Variants in DGKG observed in about 807,000 individuals in gnomAD.
DGKG encodes DAG kinase gamma.
In DGKG, 78 loss-of-function variants were observed where a neutral mutation model predicts 105.3. The ratio of observed to expected loss-of-function variants is 0.74; its 90% confidence interval spans 0.62 to 0.89. The LOEUF is 0.89. Ranked by LOEUF, DGKG falls within the 40% of genes least tolerant of loss-of-function variation. The pLI is 0.00. For synonymous variants in DGKG, 346 were observed against 367.1 expected (o/e 0.94, Z 0.66); for missense variants, 958 against 1,020.1 (o/e 0.94, Z 0.83).
rs1489764137 is a variant in DGKG, at chr3:186,147,671, A to T, written c.*2419T>A. The T allele has an allele frequency of 1.0e-6, 1 of 985,316 alleles. No homozygotes were observed. Among genetic ancestry groups the T allele is most frequent in the East Asian group, 1.1e-4 (1 of 8,826 alleles). The allele number at this position is 985,316 out of a possible 1,614,324, so 61.0% of individuals were successfully genotyped here. A position where few individuals can be genotyped will look rare whatever the true frequency, so the allele number is the denominator to read the frequency against. On this transcript the variant is annotated 3_prime_UTR_variant, in exon 25 of 25. Coordinates refer to ENST00000265022, the MANE Select transcript of DGKG (RefSeq NM_001346.3). ...GGGCCATTTTCTGCACTGCCCCTTC[A>T]TGAGACCTGTGAGTCTCTGAGAATC...
intron 1 of DGKG, among the ~76,000 whole-genome samples, chr3:186,342,444 C>T (rs540104979): frequency 5.9e-5 from 9 of 152,294 alleles, no homozygotes; most frequent in Non-Finnish European, 1.2e-4. Flanking sequence ...ACTTGCAAAA[C>T]GCCCTTTTCA....
chr3:186,217,146 T>A (rs1578678655), intron 20 of DGKG, among the ~76,000 whole-genome samples: 1 of 152,116 alleles, frequency 6.6e-6, no homozygotes, highest in Non-Finnish European at 1.5e-5. Flanking sequence ...TAAGGGTGGG[T>A]CTACTGTGGG....
At chr3:186,346,656 C>T (rs1159553958) in intron 1 of DGKG, among the ~76,000 whole-genome samples, 1 of 103,020 alleles carries the variant, frequency 9.7e-6, no homozygotes, top group East Asian at 2.2e-4. Flanking sequence ...AGTAACTATG[C>T]TATACTATAC....
chr3:186,233,469 C>T (rs962670849), intron 20 of DGKG, among the ~76,000 whole-genome samples: 3 of 146,638 alleles, frequency 2.0e-5, no homozygotes, highest in Admixed American at 6.7e-5. Context: ...ACAGCAGTGC[C>T]GTTTTTGTCG....
At chr3:186,342,165 A>AT (rs751073175) in intron 1 of DGKG, among the ~76,000 whole-genome samples, 6 of 152,110 alleles carry the variant, frequency 3.9e-5, no homozygotes, top group Admixed American at 1.3e-4. Context: ...TTAAAGTATA[A>AT]TAAAAAAAAA....
intron 6 of DGKG, among the ~76,000 whole-genome samples, chr3:186,286,855 G>A (rs1723093669): frequency 6.6e-6 from 1 of 152,026 alleles, no homozygotes; most frequent in East Asian, 1.9e-4. Context: ...CCAACATGGT[G>A]AGACTCCGTA....
Position 186,356,564 on chromosome 3 carries a change from A to C in DGKG, c.-249+5382T>G, listed in dbSNP as rs772810790. ...TAATTAGACCTTAAAGAGTTTTAAT[A>C]GAAATAGGAAATAGAATGAGGAGGT... On this transcript the variant is annotated intron_variant, in intron 1 of 24. Transcript: ENST00000265022. Among the ~76,000 whole-genome samples, 53 of 152,240 alleles carry C rather than the reference A, an allele frequency of 3.5e-4. 1 individual carries two copies. The highest frequency in any genetic ancestry group is 1.3e-4 in the Admixed American group (2 of 15,272).
At chr3:186,282,221 A>G (rs1317218682) in intron 7 of DGKG, among the ~76,000 whole-genome samples, 1 of 151,970 alleles carries the variant, frequency 6.6e-6, no homozygotes, top group African/African-American at 2.4e-5. Context: ...GGAGAAGGGG[A>G]GCAGAAGCAG....
At position 186,260,522 on chromosome 3, in the gene DGKG, A is replaced by G; in HGVS notation, c.1350-9T>C. The G allele has an allele frequency of 6.2e-7, 1 of 1,603,090 alleles. No individual in the cohort carries two copies. Among genetic ancestry groups the G allele is most frequent in the African/African-American group, 1.3e-5 (1 of 74,816 alleles). ...GGAATTTCCGAAGAATTCTATGGAA[A>G]AAAAAAGAAAAGGAGGGAGAGAGAG... is the stretch of plus-strand genomic sequence containing the variant. On this transcript the variant is annotated splice_polypyrimidine_tract_variant and intron_variant, in intron 15 of 24. Transcript: ENST00000265022.
At chr3:186,347,300 T>C (rs1726388202) in intron 1 of DGKG, among the ~76,000 whole-genome samples, 1 of 151,604 alleles carries the variant, frequency 6.6e-6, no homozygotes, top group Non-Finnish European at 1.5e-5. Context: ...TACAAAAAAT[T>C]AGCCAGGCAT....
chr3:186,321,300 G>C (rs1725064598), intron 1 of DGKG, among the ~76,000 whole-genome samples: 1 of 152,192 alleles, frequency 6.6e-6, no homozygotes, highest in African/African-American at 2.4e-5. Flanking sequence ...CATTAAATCA[G>C]TTTTGTGGTT....
intron 1 of DGKG, among the ~76,000 whole-genome samples, chr3:186,354,004 A>C (rs906375573): frequency 5.9e-5 from 9 of 152,178 alleles, no homozygotes; most frequent in Admixed American, 5.9e-4. Flanking sequence ...ACATGCCGGC[A>C]TGAGAAAAGG....
Position 186,284,997 on chromosome 3 carries a change from C to T in DGKG, c.545-288G>A, listed in dbSNP as rs970733495. On this transcript the variant is annotated intron_variant, in intron 6 of 24. Coordinates refer to ENST00000265022, the MANE Select transcript of DGKG (RefSeq NM_001346.3). The surrounding 1 kb of genome is among the most constrained non-coding windows in gnomAD (Gnocchi z 4.0). ...GGAGCATGAACACATTTCAGCGTCA[C>T]TAGAACACAACCTAAAGCAAATGCC... Among the ~76,000 whole-genome samples, 1 of 152,184 alleles carries T rather than the reference C, an allele frequency of 6.6e-6. No individual in the cohort carries two copies. The highest frequency in any genetic ancestry group is 2.4e-5 in the African/African-American group (1 of 41,454).
chr3:186,332,372 A>G (rs900777611), intron 1 of DGKG, among the ~76,000 whole-genome samples: 5 of 152,196 alleles, frequency 3.3e-5, no homozygotes, highest in Non-Finnish European at 5.9e-5. Flanking sequence ...GGGGCCCTTA[A>G]CAGTGGAAAT....
At position 186,261,940 on chromosome 3, in the gene DGKG, A is replaced by G. The variant is rs1721796097; in HGVS notation, c.1270-162T>C. 3 of 559,060 alleles carry G rather than the reference A, an allele frequency of 5.4e-6. No individual in the cohort carries two copies. In the South Asian group the frequency reaches 6.0e-5, roughly 11 times the overall value. 34.6% of individuals were successfully genotyped at this position (559,060 alleles called of 1,614,324 possible). On this transcript the variant is annotated intron_variant, in intron 14 of 24. Coordinates refer to ENST00000265022, the MANE Select transcript of DGKG (RefSeq NM_001346.3). The stretch of plus-strand genomic sequence containing the variant: ...GAATTTTCGGAGGGGCTAAGTAGCT[A>G]AGTGTCTCCAGTTTGAATGGCCTTT...
At chr3:186,302,540 A>G (rs191081617) in intron 3 of DGKG, among the ~76,000 whole-genome samples, 1,240 of 27,306 alleles carry the variant, frequency 0.045, 34 homozygotes, top group Admixed American at 0.2. Flanking sequence ...ATACATATGT[A>G]TATATATATA....
At chr3:186,204,168 G>A (rs1448411805) in intron 21 of DGKG, among the ~76,000 whole-genome samples, 1 of 152,112 alleles carries the variant, frequency 6.6e-6, no homozygotes, top group African/African-American at 2.4e-5. Flanking sequence ...CAGCACTTTG[G>A]GAGGCCAAGG....
At chr3:186,310,265 C>CAAA (rs1165723037) in intron 2 of DGKG, among the ~76,000 whole-genome samples, 522 of 33,256 alleles carry the variant, frequency 0.016, 36 homozygotes, top group African/African-American at 0.045. Flanking sequence ...GACTCCGTCT[C>CAAA]AAAAAAAAAA....
At chr3:186,161,767 CTAAG>C in intron 23 of DGKG, 104 bp from the exon 24 acceptor site, 1 of 1,542,858 alleles carries the variant, frequency 6.5e-7, no homozygotes, top group Non-Finnish European at 8.8e-7. Context: ...ATCTGCCTAC[CTAAG>C]TGTGGTTCTC....
Sources: gnomAD v4.1 joint callset for allele counts (sites outside exome capture counted in the v4.1 genomes callset) on GRCh38, gnomAD v4.1.1 for gene constraint, Gnocchi (gnomAD v3.1) non-coding constraint, MANE v1.5 for transcripts, NCBI Gene and HGNC (gene_info 2026-07-23, HGNC 2026-07-21) for gene names.